B4GALT4: variants seen among roughly 807,000 people sequenced by gnomAD.
The protein encoded by B4GALT4 is N-acetyllactosamine synthase.
B4GALT4 carries 27 observed loss-of-function variants against 37.3 expected under a neutral mutation model. The observed-to-expected ratio is 0.72, with a 90% CI of 0.53 to 1.00. The LOEUF (loss-of-function observed/expected upper bound fraction) is 1.00. Ranked by LOEUF, B4GALT4 falls within the 50% of genes least tolerant of loss-of-function variation. The pLI is 0.00. For synonymous variants in B4GALT4, 148 were observed against 154.1 expected (o/e 0.96, Z 0.29); for missense variants, 372 against 413.1 (o/e 0.90, Z 0.86).
At chr3:119,216,445 TACACAC>T (rs71617679) in intron 6 of B4GALT4, 101 bp from the exon 7 acceptor site, 24 of 27,356 alleles carry the variant, frequency 8.8e-4, no homozygotes, top group Admixed American at 4.6e-3. Context: ...CACACGCACA[TACACAC>T]ACACACACAC....
chr3:119,212,225 C>G lies in B4GALT4; in HGVS notation c.*324G>C, dbSNP rs1361028125. The G allele has an allele frequency of 1.4e-6, 1 of 702,788 alleles. No homozygotes were observed. Among genetic ancestry groups the G allele is most frequent in the African/African-American group, 1.7e-5 (1 of 57,246 alleles). The allele number at this position is 702,788 out of a possible 1,614,324, so 43.5% of individuals were successfully genotyped here. On this transcript the variant is annotated 3_prime_UTR_variant, in exon 8 of 8. Coordinates refer to ENST00000393765, the MANE Select transcript of B4GALT4 (RefSeq NM_003778.4). Reference sequence around the variant, plus strand: ...CCTTTTATCCCATAATATATTACTTCAAATTTAAATAAATCTCCTTCAACC... The same window carrying G: ...CCTTTTATCCCATAATATATTACTTGAAATTTAAATAAATCTCCTTCAACC...
chr3:119,233,914 T>G (rs2078902194), intron 2 of B4GALT4, among the ~76,000 whole-genome samples: 1 of 152,178 alleles, frequency 6.6e-6, no homozygotes, highest in Non-Finnish European at 1.5e-5. Flanking sequence ...TGAGTAAACA[T>G]CTGAAGTGTG....
intron 5 of B4GALT4, among the ~76,000 whole-genome samples, chr3:119,223,526 G>T (rs1233423501): frequency 6.6e-6 from 1 of 152,184 alleles, no homozygotes; most frequent in East Asian, 1.9e-4. Context: ...GATGGCATCT[G>T]GCACTTCTCA....
Position 119,230,070 on chromosome 3 carries a change from G to A in B4GALT4, c.30C>T (p.Ser10=), listed in dbSNP as rs72655932. Residue 10 remains serine, a synonymous_variant, in exon 3 of 8, where the codon TCC becomes TCT. Coordinates refer to ENST00000393765, the MANE Select transcript of B4GALT4 (RefSeq NM_003778.4). ...ACAGCAACAGTAATCGGAATTTGTA[G>A]GAAAGGTGGAAAGTCAGGTTGAAGC... MGFNLTFHL[S]YKFRLLLLLT... The A allele has an allele frequency of 1.9e-4, 309 of 1,614,182 alleles. No homozygotes were observed. The African/African-American group carries it at 3.5e-3, about 18-fold the overall frequency.
chr3:119,225,565 T>A (rs930374687), intron 4 of B4GALT4, among the ~76,000 whole-genome samples: 3 of 30,918 alleles, frequency 9.7e-5, no homozygotes, highest in African/African-American at 3.6e-4. Flanking sequence ...CCCAACTAAT[T>A]TTTTTTTTTT....
At chr3:119,223,944 A>G (rs2078523278) in intron 5 of B4GALT4, 114 bp downstream of exon 5, 1 of 1,181,810 alleles carries the variant, frequency 8.5e-7, no homozygotes, top group Non-Finnish European at 1.2e-6. Flanking sequence ...TACATTATGG[A>G]CCATTTTTTC....
chr3:119,223,862 T>G (rs16829552), intron 5 of B4GALT4, among the ~76,000 whole-genome samples, 196 bp downstream of exon 5: 4,891 of 152,356 alleles, frequency 0.032, 106 homozygotes, highest in Middle Eastern at 0.051. Context: ...GTCTTTGTGA[T>G]CCTCTGCTGA....
At chr3:119,227,366 C>T (rs1001880726) in intron 3 of B4GALT4, among the ~76,000 whole-genome samples, 1 of 152,196 alleles carries the variant, frequency 6.6e-6, no homozygotes, top group Non-Finnish European at 1.5e-5. Flanking sequence ...CAGGGCTAGA[C>T]AGAGTAACTT....
At chr3:119,232,005 AAAC>A (rs1343882876) in intron 2 of B4GALT4, among the ~76,000 whole-genome samples, 2 of 151,956 alleles carry the variant, frequency 1.3e-5, no homozygotes, top group Non-Finnish European at 2.9e-5. Flanking sequence ...TAACTGTAAA[AAAC>A]AACAACCACC....
chr3:119,213,779 T>C (rs2078220915), intron 7 of B4GALT4: 2 of 152,222 alleles, frequency 1.3e-5, no homozygotes, highest in African/African-American at 2.4e-5. Flanking sequence ...AATACTCTTT[T>C]GTATCTACTC....
At chr3:119,216,432 ACACACACG>A (rs2078293198) in intron 6 of B4GALT4, 88 bp from the exon 7 acceptor site, 1 of 427,006 alleles carries the variant, frequency 2.3e-6, no homozygotes, top group Non-Finnish European at 3.9e-6. Context: ...AAATTTATAC[ACACACACG>A]CACATACACA....
chr3:119,212,652 A>T lies in B4GALT4; in HGVS notation c.932T>A (p.Val311Asp). The T allele has an allele frequency of 6.2e-7, 1 of 1,609,802 alleles. No homozygotes were observed. Residue 311 changes from valine (V) to aspartate (D), a missense_variant, in exon 8 of 8, where the codon GTC (valine) becomes GAC (aspartate). Physicochemically the swap from Val to Asp is radical, Grantham distance 152. Coordinates refer to ENST00000393765, the MANE Select transcript of B4GALT4 (RefSeq NM_003778.4). ...ACTACTCAACCCATCTGTTCTCCAGACTCGTGACACTTGGTGTAAGAGCTT... is the reference window on the plus strand; with the variant it reads ...ACTACTCAACCCATCTGTTCTCCAGTCTCGTGACACTTGGTGTAAGAGCTT... The part of the protein sequence containing the change: ...RMKLLHQVSR[V>D]WRTDGLSSCS...
At position 119,220,942 on chromosome 3, in the gene B4GALT4, C is replaced by T. The variant is rs188130001; in HGVS notation, c.675-2170G>A. On this transcript the variant is annotated intron_variant, in intron 5 of 7. Transcript: ENST00000393765. ...TGGAAGTTCCAGTGAGCCAAGATCGCACCGCTGCACTCCAGCCTGGGCAAC... is the reference window on the plus strand; with the variant it reads ...TGGAAGTTCCAGTGAGCCAAGATCGTACCGCTGCACTCCAGCCTGGGCAAC... 5.4e-3 allele frequency among the ~76,000 whole-genome samples: 819 copies of T among 150,908 alleles called. 7 individuals are homozygous for T. Among genetic ancestry groups the T allele is most frequent in the African/African-American group, 0.018 (731 of 41,068 alleles).
chr3:119,229,738 A>G, intron 3 of B4GALT4, 109 bp downstream of exon 3: 1 of 1,152,136 alleles, frequency 8.7e-7, no homozygotes, highest in East Asian at 2.5e-5. Flanking sequence ...GACACAGGAG[A>G]TATATATATT....
At chr3:119,238,283 A>AT (rs397827342) in intron 1 of B4GALT4, among the ~76,000 whole-genome samples, 39 of 150,848 alleles carry the variant, frequency 2.6e-4, no homozygotes, top group African/African-American at 9.0e-4. Context: ...AAAAAAAAAA[A>AT]GTATATAAAA....
At chr3:119,219,988 C>A (rs1467732367) in intron 5 of B4GALT4, among the ~76,000 whole-genome samples, 2 of 152,060 alleles carry the variant, frequency 1.3e-5, no homozygotes, top group African/African-American at 4.8e-5. Flanking sequence ...AAGGAGTGAT[C>A]AATAAACATG....
rs767049428 is a variant in B4GALT4 at position 119,224,016 on chromosome 3, T to A, written c.674+42A>T. The A allele has an allele frequency of 1.9e-6, 3 of 1,558,242 alleles. No individual in the cohort carries two copies. In the East Asian group the frequency reaches 6.9e-5, roughly 36 times the overall value. On this transcript the variant is annotated intron_variant, in intron 5 of 7. Transcript: ENST00000393765. ...TCCACCCAGTCTTGATCACAATAGTTGAGCTTCTCGACCTAAGCCACCCTC... is the reference window on the plus strand; with the variant it reads ...TCCACCCAGTCTTGATCACAATAGTAGAGCTTCTCGACCTAAGCCACCCTC...
intron 3 of B4GALT4, among the ~76,000 whole-genome samples, chr3:119,227,974 CAA>C (rs1028168227): frequency 1.3e-5 from 2 of 152,128 alleles, no homozygotes; most frequent in Non-Finnish European, 2.9e-5. Context: ...TCAAGCCACC[CAA>C]AGAGAATAAT....
chr3:119,234,415 T>C (rs2078921721), intron 2 of B4GALT4, among the ~76,000 whole-genome samples: 1 of 152,206 alleles, frequency 6.6e-6, no homozygotes, highest in Non-Finnish European at 1.5e-5. Context: ...CCACCATGCC[T>C]GGCCAGGAAC....
Sources: allele counts gnomAD v4.1 joint callset (sites outside exome capture counted in the v4.1 genomes callset), GRCh38; gene constraint gnomAD v4.1.1; transcripts MANE v1.5; gene names NCBI Gene and HGNC (gene_info 2026-07-23, HGNC 2026-07-21).